Variants in SYCP2 observed in about 807,000 individuals in gnomAD.
The protein encoded by SYCP2 is synaptonemal complex lateral element protein.
In SYCP2, 55 loss-of-function variants were observed where a neutral mutation model predicts 211.3. The ratio of observed to expected loss-of-function variants is 0.26; its 90% CI spans 0.21 to 0.33. The LOEUF (loss-of-function observed/expected upper bound fraction) is 0.33, where lower values mean the gene tolerates loss of function less well. SYCP2 is among the 10% of genes least tolerant of loss of function. The pLI is 1.00. For missense variants in SYCP2, 1,731 were observed against 1,752.0 expected (o/e 0.99, Z 0.21); for synonymous variants, 570 against 555.2 (o/e 1.03, Z -0.37).
At chr20:59,913,001 G>T (rs1225645951) in intron 12 of SYCP2, among the ~76,000 whole-genome samples, 1 of 152,118 alleles carries the variant, frequency 6.6e-6, no homozygotes, top group African/African-American at 2.4e-5. Flanking sequence ...TTTTTTAAAT[G>T]TCTCAGTCTC....
intron 8 of SYCP2, chr20:59,915,764 C>T (rs534624193): frequency 2.8e-5 from 9 of 323,112 alleles, no homozygotes; most frequent in African/African-American, 1.9e-4. Flanking sequence ...GAGGCCAAGG[C>T]GGGCGGATCA....
Position 59,865,450 on chromosome 20 carries a change from A to G in SYCP2, c.4459-6T>C. The G allele has an allele frequency of 6.2e-7, 1 of 1,608,222 alleles. No homozygotes were observed. The highest frequency in any genetic ancestry group is 8.5e-7 in the Non-Finnish European group (1 of 1,177,190). ...TCTTCTTTCATCAAACACATCTGTAAAAAAGTAAATATATTTCACCCATGA... is the reference window on the plus strand; with the variant it reads ...TCTTCTTTCATCAAACACATCTGTAGAAAAGTAAATATATTTCACCCATGA... On this transcript the variant is annotated splice_polypyrimidine_tract_variant and splice_region_variant and intron_variant, in intron 43 of 44. Coordinates refer to ENST00000357552, the MANE Select transcript of SYCP2 (RefSeq NM_014258.4).
chr20:59,910,889 G>A (rs1160369373), intron 14 of SYCP2, among the ~76,000 whole-genome samples: 2 of 151,954 alleles, frequency 1.3e-5, no homozygotes, highest in Non-Finnish European at 2.9e-5. Context: ...CCCCTGAGAA[G>A]CAGTGCTAGT....
chr20:59,876,368 TCAA>T, intron 33 of SYCP2, among the ~76,000 whole-genome samples: 1 of 10,580 alleles, frequency 9.5e-5, no homozygotes, highest in East Asian at 5.8e-3. Flanking sequence ...AGGCTGTGTC[TCAA>T]AAAAAAAAAA....
At chr20:59,905,839 G>C (rs1054933649) in intron 15 of SYCP2, among the ~76,000 whole-genome samples, 1 of 152,010 alleles carries the variant, frequency 6.6e-6, no homozygotes, top group African/African-American at 2.4e-5. Flanking sequence ...CACTTTTATC[G>C]CTTCTATTCA....
intron 9 of SYCP2, 100 bp downstream of exon 9, chr20:59,915,365 G>C: frequency 1.0e-6 from 1 of 992,802 alleles, no homozygotes; most frequent in Non-Finnish European, 1.5e-6. Context: ...AGCTGCAACA[G>C]TTTATCAGTT....
At position 59,914,213 on chromosome 20, in the gene SYCP2, T is replaced by C; in HGVS notation, c.673A>G (p.Arg225Gly). 1 of 1,600,080 alleles carries C rather than the reference T, an allele frequency of 6.2e-7. No individual in the cohort carries two copies. Among genetic ancestry groups the C allele is most frequent in the Non-Finnish European group, 8.5e-7 (1 of 1,170,262 alleles). The change falls in exon 11 of 45, where the codon AGA becomes GGA. Residue 225 changes from arginine to glycine, a missense_variant. By Grantham distance (125) the Arg-to-Gly change is moderately radical. Around this residue, in one of 3 missense-constraint regions of SYCP2, gnomAD observed 335 missense variants for 378.8 expected, o/e 0.88. Coordinates refer to ENST00000357552, the MANE Select transcript of SYCP2 (RefSeq NM_014258.4). Reference protein sequence around the residue: ...LQVGIVEALCRMTTEKQRQEL... With the variant: ...LQVGIVEALCGMTTEKQRQEL... Reference sequence around the variant, plus strand: ...TGTCTTTGTTTTTCTGTGGTCATTCTACACAAAGCTTCTACAATGCCTACC... The same window carrying C: ...TGTCTTTGTTTTTCTGTGGTCATTCCACACAAAGCTTCTACAATGCCTACC...
Position 59,920,466 on chromosome 20 carries a change from G to A in SYCP2, c.190C>T (p.His64Tyr), listed in dbSNP as rs981123968. 4 of 1,603,792 alleles carry A rather than the reference G, an allele frequency of 2.5e-6. No homozygotes were observed. The highest frequency in any genetic ancestry group is 3.4e-6 in the Non-Finnish European group (4 of 1,173,242). ...ICRELNKEDIHNVSAILVSVG... is the reference protein window; with the variant it reads ...ICRELNKEDIYNVSAILVSVG... ...GAAACCAAAATGGCTGAAACATTGT[G>A]GATATCCTCTTTATTAAGTTCCTGA... is the stretch of plus-strand genomic sequence containing the variant. The change falls in exon 5 of 45, where the codon CAC becomes TAC. Residue 64 changes from histidine (H) to tyrosine (Y), a missense_variant. Transcript: ENST00000357552.
In SYCP2 at chr20:59,864,404, A is replaced by C. The variant is rs761476515; in HGVS notation, c.4516-16T>G. 1.9e-6 allele frequency: 3 copies of C among 1,546,530 alleles called. No homozygotes were observed. The highest frequency in any genetic ancestry group is 2.6e-6 in the Non-Finnish European group (3 of 1,140,070). The stretch of plus-strand genomic sequence containing the variant: ...CCTCTTCTAGCTATAGCCAAGAAAA[A>C]AAAAATCACACTTAGATTTCACATT... On this transcript the variant is annotated splice_polypyrimidine_tract_variant and intron_variant, in intron 44 of 44. Transcript: ENST00000357552.
chr20:59,888,733 T>C (rs898599855), intron 24 of SYCP2, among the ~76,000 whole-genome samples: 2 of 152,092 alleles, frequency 1.3e-5, no homozygotes, highest in African/African-American at 4.8e-5. Context: ...ATGACCTGTC[T>C]GTAGAAAATC....
intron 38 of SYCP2, 67 bp from the exon 39 acceptor site, chr20:59,867,914 G>A (rs983394207): frequency 3.4e-6 from 4 of 1,187,508 alleles, no homozygotes; most frequent in South Asian, 1.4e-5. Context: ...TTGTAATTAG[G>A]CTAAGAACAA....
Position 59,885,968 on chromosome 20 carries a change from T to TA in SYCP2, c.2493-5dup, listed in dbSNP as rs764849685. 35 of 1,597,354 alleles carry TA rather than the reference T, an allele frequency of 2.2e-5. No homozygotes were observed. Among genetic ancestry groups the TA allele is most frequent in the Non-Finnish European group, 3.0e-5 (35 of 1,172,802 alleles). ...AACAGGTTTGTTTGAAAAACCACTG[T>TA]AAAAAAAGATTTTGTCAAAATTGAA... On this transcript the variant is annotated splice_region_variant and splice_polypyrimidine_tract_variant and intron_variant, in intron 25 of 44. Coordinates refer to ENST00000357552, the MANE Select transcript of SYCP2 (RefSeq NM_014258.4).
chr20:59,887,902 C>T (rs1194183015), intron 24 of SYCP2, among the ~76,000 whole-genome samples: 2 of 151,800 alleles, frequency 1.3e-5, no homozygotes, highest in East Asian at 1.9e-4. Context: ...AATTCCATGC[C>T]CGCAAATGTG....
At chr20:59,879,844 TATATATATATATATATATACAC>T (rs1288023670) in intron 31 of SYCP2, among the ~76,000 whole-genome samples, 5 of 127,914 alleles carry the variant, frequency 3.9e-5, no homozygotes, top group African/African-American at 1.4e-4. Flanking sequence ...TATATATATA[TATATATATATATATATATACAC>T]ACACACACAC....
chr20:59,932,978 G>T lies in SYCP2; in HGVS notation c.-140+591C>A, dbSNP rs2060795691. On this transcript the variant is annotated intron_variant, in intron 1 of 44. Transcript: ENST00000357552. ...CAACGAGGCCGAAGGCGAAGTCCCTGCTCCCACCGCCGGCACGGTGACCCT... is the reference window on the plus strand; with the variant it reads ...CAACGAGGCCGAAGGCGAAGTCCCTTCTCCCACCGCCGGCACGGTGACCCT... Among the ~76,000 whole-genome samples the T allele has an allele frequency of 4.6e-5, 7 of 152,046 alleles. No individual in the cohort carries two copies. In the South Asian group the frequency reaches 1.4e-3, roughly 31 times the overall value.
At chr20:59,919,936 G>T (rs532217036) in intron 5 of SYCP2, among the ~76,000 whole-genome samples, 83 of 151,580 alleles carry the variant, frequency 5.5e-4, no homozygotes, top group African/African-American at 1.5e-3. Flanking sequence ...TATATGAAAA[G>T]TTTTCATATT....
At chr20:59,870,282 C>A (rs139740486) in intron 35 of SYCP2, among the ~76,000 whole-genome samples, 3 of 151,678 alleles carry the variant, frequency 2.0e-5, no homozygotes, top group Non-Finnish European at 3.0e-5. Flanking sequence ...CTGTTCTAAT[C>A]TTCATGTGTA....
chr20:59,922,374 G>A lies in SYCP2; in HGVS notation c.24+16C>T, dbSNP rs1175280376. The A allele has an allele frequency of 1.2e-5, 19 of 1,565,832 alleles. No individual in the cohort carries two copies. The highest frequency in any genetic ancestry group is 2.1e-5 in the Admixed American group (1 of 47,856). ...TTCAGAATGAAAATACTTACTTTTG[G>A]TCTAGGACTACATACCTGGAGATCT... On this transcript the variant is annotated intron_variant, in intron 3 of 44. Coordinates refer to ENST00000357552, the MANE Select transcript of SYCP2 (RefSeq NM_014258.4).
chr20:59,886,006 T>C, intron 25 of SYCP2, 42 bp from the exon 26 acceptor site: 1 of 1,428,188 alleles, frequency 7.0e-7, no homozygotes, highest in Non-Finnish European at 9.7e-7. Flanking sequence ...AGCAAATCAG[T>C]ATCAATATCA....
Sources: gnomAD v4.1 joint callset for allele counts (sites outside exome capture counted in the v4.1 genomes callset) on GRCh38, gnomAD v4.1.1 for gene constraint, gnomAD v4.1.1 regional missense constraint, MANE v1.5 for transcripts, NCBI Gene and HGNC (gene_info 2026-07-23, HGNC 2026-07-21) for gene names.